The following CSMD3 variants were observed in gnomAD, a reference collection of about 807,000 sequenced individuals.
The protein encoded by CSMD3 is CUB and sushi domain-containing protein 3.
A neutral mutation model predicts 435.2 loss-of-function variants in CSMD3; 177 were observed. The observed-to-expected ratio is 0.41, with a 90% confidence interval of 0.36 to 0.46. The LOEUF is 0.46. Ranked by LOEUF, CSMD3 falls within the 20% of genes least tolerant of loss-of-function variation. The probability of loss-of-function intolerance (pLI) is 0.34; values close to 1 mark genes in which losing one functional copy is unlikely to be tolerated. For synonymous variants in CSMD3, 1,656 were observed against 1,520.5 expected (o/e 1.09, Z -2.07); for missense variants, 4,265 against 4,504.6 (o/e 0.95, Z 1.52).
At chr8:112,645,786 A>G (rs2074963466) in intron 19 of CSMD3, among the ~76,000 whole-genome samples, 2 of 152,200 alleles carry the variant, frequency 1.3e-5, no homozygotes, top group South Asian at 4.1e-4. Flanking sequence ...AAAAATTAAT[A>G]TTTGATTTGA....
intron 13 of CSMD3, among the ~76,000 whole-genome samples, chr8:112,714,316 A>G (rs1046848905): frequency 2.8e-5 from 3 of 106,432 alleles, no homozygotes; most frequent in African/African-American, 9.3e-5. Context: ...TCAAAGATCA[A>G]AAAAGACAAA....
At chr8:113,334,727 T>C (rs1453821119) in intron 1 of CSMD3, among the ~76,000 whole-genome samples, 3 of 152,142 alleles carry the variant, frequency 2.0e-5, no homozygotes, top group African/African-American at 2.4e-5. Context: ...TAATTGTGAA[T>C]TCTATTTTCT....
At chr8:113,096,597 G>A (rs1199615378) in intron 5 of CSMD3, among the ~76,000 whole-genome samples, 1 of 151,860 alleles carries the variant, frequency 6.6e-6, no homozygotes, top group Non-Finnish European at 1.5e-5. Context: ...TCATTACTGT[G>A]CTCAAGCCCC....
chr8:112,971,980 T>C (rs1187890492), intron 7 of CSMD3, among the ~76,000 whole-genome samples: 2 of 152,090 alleles, frequency 1.3e-5, no homozygotes, highest in Non-Finnish European at 2.9e-5. Context: ...TTTTTCCAGA[T>C]TATTCATTAA....
intron 3 of CSMD3, among the ~76,000 whole-genome samples, chr8:113,231,347 A>G (rs116573247): frequency 3.3e-5 from 5 of 151,482 alleles, no homozygotes; most frequent in Middle Eastern, 3.4e-3. Context: ...TCATGGATAT[A>G]TATCTTTCTA....
intron 22 of CSMD3, among the ~76,000 whole-genome samples, chr8:112,616,797 T>G (rs1237356537): frequency 6.6e-6 from 1 of 152,146 alleles, no homozygotes; most frequent in African/African-American, 2.4e-5. Flanking sequence ...GCTGAAAGCA[T>G]GTATATTGAA....
rs116436618 is a variant in CSMD3, at chr8:112,999,300, T to G, written c.1030+19767A>C. ...CTAAGATTTAAGATTTAATCAAATT[T>G]ATGAAGAGTATCAGAAATTGAGCCA... On this transcript the variant is annotated intron_variant, in intron 6 of 70. Coordinates refer to ENST00000297405, the MANE Select transcript of CSMD3 (RefSeq NM_198123.2). Among the ~76,000 whole-genome samples the G allele has an allele frequency of 6.6e-3, 1,003 of 152,016 alleles. 11 individuals are homozygous for G. Among genetic ancestry groups the G allele is most frequent in the African/African-American group, 0.023 (961 of 41,508 alleles).
At chr8:112,760,756 A>G (rs1267219509) in intron 13 of CSMD3, among the ~76,000 whole-genome samples, 1 of 152,150 alleles carries the variant, frequency 6.6e-6, no homozygotes, top group Non-Finnish European at 1.5e-5. Context: ...CTCCAGCACC[A>G]ATCTTCATCT....
At position 112,656,178 on chromosome 8, in the gene CSMD3, T is replaced by C; in HGVS notation, c.2980A>G (p.Asn994Asp). Reference protein sequence around the residue: ...LFTTDNSRSNNGFKIHYESVT... With the variant: ...LFTTDNSRSNDGFKIHYESVT... ...CTTTCATAATGAATCTTGAAACCAT[T>C]ATTGGAACGACTGTTGTCTGTTGTA... The change falls in exon 18 of 71, where the codon AAT (asparagine) becomes GAT (aspartate). Residue 994 changes from asparagine (N) to aspartate (D), a missense_variant. Coordinates refer to ENST00000297405, the MANE Select transcript of CSMD3 (RefSeq NM_198123.2). 6.4e-7 allele frequency: 1 copy of C among 1,570,994 alleles called. No homozygotes were observed. Among genetic ancestry groups the C allele is most frequent in the Non-Finnish European group, 8.8e-7 (1 of 1,141,396 alleles).
chr8:113,266,651 TTAG>T (rs1467364385), intron 3 of CSMD3, among the ~76,000 whole-genome samples: 3 of 151,612 alleles, frequency 2.0e-5, no homozygotes, highest in Non-Finnish European at 4.4e-5. Context: ...TAAATGTTTC[TTAG>T]TAGTAGTAGT....
chr8:112,523,237 C>T (rs1464498698), intron 27 of CSMD3, among the ~76,000 whole-genome samples: 2 of 151,842 alleles, frequency 1.3e-5, no homozygotes, highest in African/African-American at 2.4e-5. Flanking sequence ...GATATTAATC[C>T]CTTGTATTAG....
chr8:112,250,037 T>C (rs1165513656), intron 63 of CSMD3, among the ~76,000 whole-genome samples: 1 of 152,108 alleles, frequency 6.6e-6, no homozygotes, highest in Non-Finnish European at 1.5e-5. Flanking sequence ...AACTTTAGAA[T>C]ATTTAACGTC....
intron 27 of CSMD3, among the ~76,000 whole-genome samples, chr8:112,519,183 G>A (rs1203139860): frequency 6.6e-6 from 1 of 152,036 alleles, no homozygotes; most frequent in African/African-American, 2.4e-5. Context: ...AGTGATGTTC[G>A]ACTAATAAAA....
chr8:112,971,476 T>C (rs574494911), intron 7 of CSMD3, among the ~76,000 whole-genome samples: 6 of 152,230 alleles, frequency 3.9e-5, no homozygotes, highest in African/African-American at 1.4e-4. Flanking sequence ...TGGGAGAAAA[T>C]ACCTAAGAGT....
chr8:113,356,562 G>GT (rs1272329703), intron 1 of CSMD3, among the ~76,000 whole-genome samples: 1 of 152,136 alleles, frequency 6.6e-6, no homozygotes, highest in East Asian at 1.9e-4. Context: ...CAATAAAAAT[G>GT]TATTGAATGA....
chr8:112,463,009 T>C (rs1817609001), intron 32 of CSMD3, among the ~76,000 whole-genome samples: 1 of 152,208 alleles, frequency 6.6e-6, no homozygotes, highest in Non-Finnish European at 1.5e-5. Flanking sequence ...AAGTCTCATT[T>C]TGTGAGTAAC....
intron 14 of CSMD3, 152 bp from the exon 15 acceptor site, chr8:112,685,884 T>C (rs947523092): frequency 9.5e-6 from 6 of 631,286 alleles, no homozygotes; most frequent in African/African-American, 1.8e-5. Context: ...CGGTTACCAT[T>C]TTTACATATT....
chr8:112,660,856 A>G (rs1273561396), intron 17 of CSMD3, among the ~76,000 whole-genome samples: 1 of 152,150 alleles, frequency 6.6e-6, no homozygotes, highest in Non-Finnish European at 1.5e-5. Flanking sequence ...ATGATTTTTT[A>G]ATGATTGGTT....
At chr8:112,557,927 T>C (rs749164435) in intron 24 of CSMD3, among the ~76,000 whole-genome samples, 5 of 151,950 alleles carry the variant, frequency 3.3e-5, no homozygotes, top group Non-Finnish European at 7.4e-5. Context: ...AGATTTTCAA[T>C]TGGCATCTGA....
Sources: allele counts gnomAD v4.1 joint callset (sites outside exome capture counted in the v4.1 genomes callset), GRCh38; gene constraint gnomAD v4.1.1; transcripts MANE v1.5; gene names NCBI Gene and HGNC (gene_info 2026-07-23, HGNC 2026-07-21).